GDAP1: variants seen among roughly 807,000 people sequenced by gnomAD.
GDAP1 encodes ganglioside-induced differentiation-associated protein 1.
GDAP1 carries 34 observed loss-of-function variants against 40.1 expected under a neutral mutation model. The ratio of observed to expected loss-of-function variants is 0.85; its 90% CI spans 0.64 to 1.13. The LOEUF (loss-of-function observed/expected upper bound fraction) is 1.13, where lower values mean the gene tolerates loss of function less well. Ranked by LOEUF, GDAP1 falls within the 50% of genes most tolerant of loss-of-function variation. GDAP1 has a pLI of 0.00. For missense variants in GDAP1, 374 were observed against 433.7 expected (o/e 0.86, Z 1.22); for synonymous variants, 170 against 157.4 (o/e 1.08, Z -0.60).
intron 3 of GDAP1, among the ~76,000 whole-genome samples, chr8:74,361,641 C>T (rs561945902): frequency 5.9e-5 from 9 of 152,118 alleles, no homozygotes; most frequent in African/African-American, 9.7e-5. Flanking sequence ...CTGATCCTCC[C>T]GCCTCGGCCT....
chr8:74,371,059 T>C (rs551614281), downstream of GDAP1, among the ~76,000 whole-genome samples: 116 of 152,296 alleles, frequency 7.6e-4, no homozygotes, highest in African/African-American at 2.7e-3. Flanking sequence ...AGAAATTCAA[T>C]TGGGATATAG....
At chr8:74,401,733 G>T (rs1463191153) in intron 2 of GDAP1, among the ~76,000 whole-genome samples, 2 of 149,780 alleles carry the variant, frequency 1.3e-5, no homozygotes, top group African/African-American at 5.1e-5. Flanking sequence ...TGGGTTTTTG[G>T]TGTGGATGTC....
chr8:74,377,618 A>T (rs1809879268), intron 2 of GDAP1, among the ~76,000 whole-genome samples: 1 of 152,252 alleles, frequency 6.6e-6, no homozygotes, highest in Non-Finnish European at 1.5e-5. Context: ...TAAAAGGCTG[A>T]CAATACTATT....
rs530297867 is a variant in GDAP1, at chr8:74,477,756, C to T, written c.166-10922C>T. Among the ~76,000 whole-genome samples the T allele has an allele frequency of 2.0e-5, 3 of 152,272 alleles. No homozygotes were observed. In the South Asian group the frequency reaches 6.2e-4, roughly 32 times the overall value. Reference sequence around the variant, plus strand: ...AAAGGGCAGTGGCAGTGGAATCTGTCTTCATTCACATATACCAGCAACAGT... The same window carrying T: ...AAAGGGCAGTGGCAGTGGAATCTGTTTTCATTCACATATACCAGCAACAGT... On this transcript the variant is annotated intron_variant, in intron 2 of 2. Transcript: ENST00000523640.
chr8:74,485,203 G>T (rs758985011), intron 2 of GDAP1, among the ~76,000 whole-genome samples: 12 of 152,116 alleles, frequency 7.9e-5, no homozygotes, highest in Non-Finnish European at 1.2e-4. Context: ...CAATTCCCAT[G>T]ATACGATTAT....
At chr8:74,483,912 C>A (rs1806744055) in intron 2 of GDAP1, among the ~76,000 whole-genome samples, 1 of 152,134 alleles carries the variant, frequency 6.6e-6, no homozygotes, top group Non-Finnish European at 1.5e-5. Flanking sequence ...GACTTCTTTC[C>A]TTCCAAGTGG....
At position 74,362,784 on chromosome 8, in the gene GDAP1, C is replaced by CTCTTTTT. The variant is rs1300148699; in HGVS notation, c.580-154_580-153insCTTTTTT. On this transcript the variant is annotated intron_variant, in intron 4 of 5. Coordinates refer to ENST00000220822, the MANE Select transcript of GDAP1 (RefSeq NM_018972.4). ...CCCTTCAACTTAGCTCTCTCTCTCT[C>CTCTTTTT]TTTTTTTTTTTTTTTTTTTTGCTGA... 2.4e-3 allele frequency among the ~76,000 whole-genome samples: 147 copies of CTCTTTTT among 60,446 alleles called. 1 individual carries two copies. Among genetic ancestry groups the CTCTTTTT allele is most frequent in the Non-Finnish European group, 3.6e-3 (117 of 32,478 alleles). 39.7% of individuals were successfully genotyped at this position (60,446 alleles called of 152,430 possible). A position where few individuals can be genotyped will look rare whatever the true frequency, so the allele number is the denominator to read the frequency against.
At chr8:74,464,118 C>T (rs1273655064) in intron 2 of GDAP1, among the ~76,000 whole-genome samples, 1 of 152,024 alleles carries the variant, frequency 6.6e-6, no homozygotes. Context: ...TCTGGGTTTC[C>T]AGAAGGAAAG....
chr8:74,488,643 A>G (rs1563483104), intron 2 of GDAP1: 1 of 152,174 alleles, frequency 6.6e-6, no homozygotes, highest in Non-Finnish European at 1.5e-5. Flanking sequence ...ATTGAATGCA[A>G]TTACCCAATT....
intron 2 of GDAP1, among the ~76,000 whole-genome samples, chr8:74,429,406 G>T (rs1430468464): frequency 6.6e-6 from 1 of 152,172 alleles, no homozygotes; most frequent in East Asian, 1.9e-4. Context: ...AATAGTATAT[G>T]TAATATTATT....
chr8:74,350,695 G>A, intron 1 of GDAP1, 117 bp downstream of exon 1: 3 of 784,610 alleles, frequency 3.8e-6, no homozygotes, highest in East Asian at 5.0e-5. Context: ...CCAGTGTCCT[G>A]ACCCCGGGCA....
intron 2 of GDAP1, among the ~76,000 whole-genome samples, chr8:74,430,516 A>C (rs1586832836): frequency 6.6e-6 from 1 of 152,204 alleles, no homozygotes; most frequent in Non-Finnish European, 1.5e-5. Flanking sequence ...TGTAGAGTAA[A>C]GTGTATACAG....
At chr8:74,379,517 A>G (rs1008325809) in intron 2 of GDAP1, among the ~76,000 whole-genome samples, 1 of 152,180 alleles carries the variant, frequency 6.6e-6, no homozygotes, top group African/African-American at 2.4e-5. Flanking sequence ...CTGCTGTGGT[A>G]TCTTTATTGA....
At chr8:74,401,281 T>C (rs1372930236) in intron 2 of GDAP1, among the ~76,000 whole-genome samples, 1 of 149,384 alleles carries the variant, frequency 6.7e-6, no homozygotes, top group Admixed American at 6.6e-5. Flanking sequence ...TAAACTTCCC[T>C]TCTCACTTCA....
chr8:74,371,457 G>C (rs1399845069), downstream of GDAP1, among the ~76,000 whole-genome samples: 1 of 151,976 alleles, frequency 6.6e-6, no homozygotes, highest in Admixed American at 6.6e-5. Flanking sequence ...TCAGGAGATC[G>C]AGACCATTCT....
chr8:74,366,102 A>T lies in GDAP1; in HGVS notation c.*1735A>T, dbSNP rs540439991. 3.8e-5 allele frequency: 17 copies of T among 442,354 alleles called. No individual in the cohort carries two copies. Among genetic ancestry groups the T allele is most frequent in the Non-Finnish European group, 6.7e-5 (15 of 223,422 alleles). 27.4% of individuals were successfully genotyped at this position (442,354 alleles called of 1,614,324 possible). ...TGTTAAGAATAAAAATTAGAAGTCCATGGTTAACTTTTCCTTCAATTTATA... is the reference window on the plus strand; with the variant it reads ...TGTTAAGAATAAAAATTAGAAGTCCTTGGTTAACTTTTCCTTCAATTTATA... On this transcript the variant is annotated 3_prime_UTR_variant, in exon 6 of 6. Transcript: ENST00000220822.
At chr8:74,358,591 A>G in intron 2 of GDAP1, among the ~76,000 whole-genome samples, 1 of 152,254 alleles carries the variant, frequency 6.6e-6, no homozygotes, top group East Asian at 1.9e-4. Context: ...TCAGAGTGAT[A>G]GAGTCATGTT....
At chr8:74,404,039 A>G (rs374630425) in intron 2 of GDAP1, among the ~76,000 whole-genome samples, 1 of 150,186 alleles carries the variant, frequency 6.7e-6, no homozygotes, top group Admixed American at 6.6e-5. Context: ...AATCTCTATG[A>G]TAATAAAAAG....
At chr8:74,356,659 AGTGTGT>A (rs144717682) in intron 2 of GDAP1, among the ~76,000 whole-genome samples, 1,802 of 122,886 alleles carry the variant, frequency 0.015, 36 homozygotes, top group African/African-American at 0.034. Context: ...AATATTATTT[AGTGTGT>A]GTGTGTGTGT....
Sources: gnomAD v4.1 joint callset for allele counts (sites outside exome capture counted in the v4.1 genomes callset) on GRCh38, gnomAD v4.1.1 for gene constraint, MANE v1.5 for transcripts, NCBI Gene and HGNC (gene_info 2026-07-23, HGNC 2026-07-21) for gene names.